The following FAM178B variants were observed in gnomAD, a reference collection of about 807,000 sequenced individuals.
FAM178B encodes the protein family with sequence similarity 178 member B.
In FAM178B, 82 loss-of-function variants were observed where a neutral mutation model predicts 91.7. The ratio of observed to expected loss-of-function variants is 0.89; its 90% CI spans 0.75 to 1.07. The LOEUF (loss-of-function observed/expected upper bound fraction) is 1.07. Among genes scored for constraint, FAM178B ranks in the 50% least tolerant of loss-of-function variants. FAM178B has a pLI of 0.00. For missense variants in FAM178B, 769 were observed against 846.7 expected, an observed-to-expected ratio of 0.91 and a Z score of 1.14; for synonymous variants, 368 against 359.4, an observed-to-expected ratio of 1.02 and a Z score of -0.27.
At chr2:96,898,768 C>A (rs572381760) in intron 13 of FAM178B, among the ~76,000 whole-genome samples, 1 of 152,322 alleles carries the variant, frequency 6.6e-6, no homozygotes, top group South Asian at 2.1e-4. Context: ...GAGGGGCGAG[C>A]ACTGAGGACA....
intron 5 of FAM178B, among the ~76,000 whole-genome samples, chr2:96,963,053 C>T (rs1231232614): frequency 6.6e-6 from 1 of 152,214 alleles, no homozygotes; most frequent in Non-Finnish European, 1.5e-5. Flanking sequence ...CTCAAAGCAC[C>T]ACTAGAAAAC....
At chr2:96,970,135 C>G (rs2082197628) in intron 4 of FAM178B, among the ~76,000 whole-genome samples, 1 of 152,224 alleles carries the variant, frequency 6.6e-6, no homozygotes. Context: ...ACCTGCACCT[C>G]CCTAGGGATT....
chr2:96,933,598 C>T (rs1402688779), intron 8 of FAM178B, among the ~76,000 whole-genome samples: 1 of 152,238 alleles, frequency 6.6e-6, no homozygotes, highest in Admixed American at 6.5e-5. Flanking sequence ...TCCCTCGTGC[C>T]CTGAGTCCTC....
intron 5 of FAM178B, among the ~76,000 whole-genome samples, chr2:96,961,892 G>C (rs1309778229): frequency 1.3e-5 from 2 of 152,180 alleles, no homozygotes; most frequent in Non-Finnish European, 2.9e-5. Flanking sequence ...CTGACCCTGC[G>C]GGCTTCAGGA....
At chr2:96,933,238 GT>G (rs1216291022) in intron 8 of FAM178B, among the ~76,000 whole-genome samples, 12 of 151,754 alleles carry the variant, frequency 7.9e-5, no homozygotes, top group African/African-American at 2.9e-4. Flanking sequence ...GCGAGACTCC[GT>G]TTCATAAAAA....
intron 6 of FAM178B, among the ~76,000 whole-genome samples, chr2:96,954,633 G>A (rs914885452): frequency 7.2e-5 from 11 of 152,244 alleles, no homozygotes; most frequent in Non-Finnish European, 1.5e-4. Context: ...TTATTTATAC[G>A]TATCAGCTCC....
intron 14 of FAM178B, among the ~76,000 whole-genome samples, chr2:96,891,556 T>TG (rs57391344): frequency 0.25 from 38,377 of 152,090 alleles, 6,146 homozygotes; most frequent in South Asian, 0.67. Flanking sequence ...GACGCAGTGC[T>TG]AGAGACACTG....
chr2:96,968,665 C>A (rs2082177847), intron 4 of FAM178B, among the ~76,000 whole-genome samples: 1 of 143,068 alleles, frequency 7.0e-6, no homozygotes, highest in Non-Finnish European at 1.5e-5. Context: ...GCCCCATCAC[C>A]CTCCTCCCAG....
At chr2:96,883,748 C>T (rs1379979358) in intron 14 of FAM178B, among the ~76,000 whole-genome samples, 1 of 152,220 alleles carries the variant, frequency 6.6e-6, no homozygotes, top group Non-Finnish European at 1.5e-5. Flanking sequence ...CTGCCTCTCA[C>T]TCAGGAAGCT....
chr2:96,902,422 G>A (rs1212115413), intron 13 of FAM178B, among the ~76,000 whole-genome samples, 198 bp downstream of exon 13: 2 of 152,208 alleles, frequency 1.3e-5, no homozygotes, highest in African/African-American at 4.8e-5. Flanking sequence ...TTTTTAAAAA[G>A]ACAGGCTCTC....
intron 4 of FAM178B, among the ~76,000 whole-genome samples, chr2:96,969,921 T>C (rs1395678144): frequency 6.6e-6 from 1 of 151,998 alleles, no homozygotes; most frequent in Non-Finnish European, 1.5e-5. Flanking sequence ...TGGGTATCAG[T>C]CCTCCCACCA....
intron 6 of FAM178B, among the ~76,000 whole-genome samples, chr2:96,957,953 G>T (rs1363871356): frequency 6.6e-6 from 1 of 151,982 alleles, no homozygotes; most frequent in Non-Finnish European, 1.5e-5. Context: ...TTCAAAAAAT[G>T]AGAAAATGGT....
chr2:96,899,295 G>A (rs1389904913), intron 13 of FAM178B, among the ~76,000 whole-genome samples: 1 of 152,258 alleles, frequency 6.6e-6, no homozygotes, highest in East Asian at 1.9e-4. Context: ...CCTGGACAGA[G>A]TTAGTCACTA....
At chr2:96,882,283 G>A (rs1176808359) in intron 14 of FAM178B, among the ~76,000 whole-genome samples, 1 of 152,214 alleles carries the variant, frequency 6.6e-6, no homozygotes, top group East Asian at 1.9e-4. Flanking sequence ...CAGACCCTGA[G>A]TCTCCCCATC....
At chr2:96,926,218 G>A (rs560880290) in intron 9 of FAM178B, among the ~76,000 whole-genome samples, 80 of 152,130 alleles carry the variant, frequency 5.3e-4, no homozygotes, top group African/African-American at 1.9e-3. Context: ...CAGGAGAATC[G>A]CTTTAACCCG....
chr2:96,915,566 C>CTTTGGGATTA (rs761503375), intron 12 of FAM178B, among the ~76,000 whole-genome samples: 111 of 151,648 alleles, frequency 7.3e-4, no homozygotes, highest in South Asian at 1.5e-3. Flanking sequence ...GCCTATAATC[C>CTTTGGGATTA]CAGCACTTTG....
Position 96,876,136 on chromosome 2 carries a change from T to C in FAM178B, c.*140A>G. 2 of 809,444 alleles carry C rather than the reference T, an allele frequency of 2.5e-6. No individual in the cohort carries two copies. The highest frequency in any genetic ancestry group is 3.9e-6 in the Non-Finnish European group (2 of 510,978). The allele number at this position is 809,444 out of a possible 1,614,324, so 50.1% of individuals were successfully genotyped here. A position where few individuals can be genotyped will look rare whatever the true frequency, so the allele number is the denominator to read the frequency against. On this transcript the variant is annotated 3_prime_UTR_variant, in exon 17 of 17. Coordinates refer to ENST00000490605, the MANE Select transcript of FAM178B (RefSeq NM_001122646.3). The stretch of plus-strand genomic sequence containing the variant: ...GCAGAGAGGAGAGGGGTCGGGGCGG[T>C]GGCAGGGGCAGGCTCTTGCCTCATC...
At chr2:96,948,483 A>C (rs2081868173) in intron 7 of FAM178B, among the ~76,000 whole-genome samples, 1 of 152,250 alleles carries the variant, frequency 6.6e-6, no homozygotes, top group African/African-American at 2.4e-5. Context: ...GGAGCCTGAC[A>C]GTCAGAAGCT....
At chr2:96,923,723 T>C (rs2081386291) in intron 9 of FAM178B, 140 bp from the exon 10 acceptor site, 4 of 654,148 alleles carry the variant, frequency 6.1e-6, no homozygotes, top group Non-Finnish European at 1.1e-5. Context: ...GATGATCTCA[T>C]GAGTTTCTGA....
Sources: allele counts gnomAD v4.1 joint callset (sites outside exome capture counted in the v4.1 genomes callset), GRCh38; gene constraint gnomAD v4.1.1; transcripts MANE v1.5; gene names NCBI Gene and HGNC (gene_info 2026-07-23, HGNC 2026-07-21).